Variants in CSMD3 observed in about 807,000 individuals in gnomAD.
The protein encoded by CSMD3 is CUB and sushi domain-containing protein 3.
Under a neutral mutation model 435.2 loss-of-function variants are expected in CSMD3, and 177 were observed. The ratio of observed to expected loss-of-function variants is 0.41; its 90% CI spans 0.36 to 0.46. The LOEUF (loss-of-function observed/expected upper bound fraction) is 0.46. Among genes scored for constraint, CSMD3 ranks in the 20% least tolerant of loss-of-function variants. The pLI is 0.34. For missense variants in CSMD3, 4,265 were observed against 4,504.6 expected (o/e 0.95, Z 1.52); for synonymous variants, 1,656 against 1,520.5 (o/e 1.09, Z -2.07).
intron 28 of CSMD3, among the ~76,000 whole-genome samples, chr8:112,514,907 A>G (rs142720356): frequency 3.6e-4 from 55 of 151,946 alleles, no homozygotes; most frequent in African/African-American, 1.1e-3. Flanking sequence ...TTTTTTTTTA[A>G]GGTTATTTTC....
At position 112,986,801 on chromosome 8, in the gene CSMD3, A is replaced by G. The variant is rs540858742; in HGVS notation, c.1031-10653T>C. ...GGCAACAAAAACTGAATATTTACCC[A>G]ACCTCACAATATCGAGTAATACTTT... On this transcript the variant is annotated intron_variant, in intron 6 of 70. Coordinates refer to ENST00000297405, the MANE Select transcript of CSMD3 (RefSeq NM_198123.2). Among the ~76,000 whole-genome samples, 29 of 152,220 alleles carry G rather than the reference A, an allele frequency of 1.9e-4. No individual in the cohort carries two copies. The South Asian group carries it at 5.8e-3, about 30-fold the overall frequency.
intron 2 of CSMD3, among the ~76,000 whole-genome samples, chr8:113,286,445 A>T (rs2132503386): frequency 6.6e-6 from 1 of 152,254 alleles, no homozygotes; most frequent in African/African-American, 2.4e-5. Flanking sequence ...AATGTCAATG[A>T]ATATGTTTTT....
intron 27 of CSMD3, among the ~76,000 whole-genome samples, chr8:112,527,918 G>A (rs1348491522): frequency 1.3e-5 from 2 of 152,082 alleles, no homozygotes; most frequent in Admixed American, 6.5e-5. Context: ...GTTCTGCTAA[G>A]GGAGCTGGCA....
intron 59 of CSMD3, among the ~76,000 whole-genome samples, chr8:112,268,894 G>A (rs1009628430): frequency 1.3e-5 from 2 of 152,092 alleles, no homozygotes; most frequent in Non-Finnish European, 2.9e-5. Flanking sequence ...AAAAGGCAGG[G>A]TTTCTCTACC....
At chr8:113,295,719 AT>A (rs34544856) in intron 2 of CSMD3, among the ~76,000 whole-genome samples, 2 of 152,146 alleles carry the variant, frequency 1.3e-5, no homozygotes, top group African/African-American at 4.8e-5. Flanking sequence ...GTGTGATTGC[AT>A]TTTGGTCTCA....
chr8:112,319,411 A>C (rs1822780267), intron 46 of CSMD3, among the ~76,000 whole-genome samples: 3 of 152,094 alleles, frequency 2.0e-5, no homozygotes, highest in Admixed American at 1.3e-4. Context: ...ATTTTTTTTC[A>C]AACTGTGTGG....
rs183361446 is a variant in CSMD3 at position 112,990,178 on chromosome 8, T to C, written c.1031-14030A>G. ...CTTTATTAGCAGCATGAGAACAGACTAATACAGCCACGTAAGGAAGTATGT... is the reference window on the plus strand; with the variant it reads ...CTTTATTAGCAGCATGAGAACAGACCAATACAGCCACGTAAGGAAGTATGT... On this transcript the variant is annotated intron_variant, in intron 6 of 70. Transcript: ENST00000297405. 7.3e-4 allele frequency among the ~76,000 whole-genome samples: 111 copies of C among 152,058 alleles called. 1 individual carries two copies. The highest frequency in any genetic ancestry group is 2.5e-3 in the African/African-American group (105 of 41,520).
chr8:112,574,563 G>A (rs1829791954), intron 23 of CSMD3, among the ~76,000 whole-genome samples: 1 of 151,914 alleles, frequency 6.6e-6, no homozygotes, highest in African/African-American at 2.4e-5. Flanking sequence ...TAAAAAGTGT[G>A]TAGTAATTAA....
chr8:112,926,196 T>G (rs1258424337), intron 9 of CSMD3, among the ~76,000 whole-genome samples: 1 of 152,116 alleles, frequency 6.6e-6, no homozygotes, highest in Non-Finnish European at 1.5e-5. Flanking sequence ...ATTAACTGTT[T>G]TAATATTTGA....
chr8:113,170,111 C>T (rs1270178875), intron 4 of CSMD3, among the ~76,000 whole-genome samples: 1 of 152,076 alleles, frequency 6.6e-6, no homozygotes, highest in Non-Finnish European at 1.5e-5. Flanking sequence ...TACGTAAACT[C>T]CAGGGAAAGC....
intron 3 of CSMD3, among the ~76,000 whole-genome samples, chr8:113,253,055 A>T (rs2093348308): frequency 6.6e-6 from 1 of 152,130 alleles, no homozygotes; most frequent in African/African-American, 2.4e-5. Flanking sequence ...GATCAATAAT[A>T]TAAATTTAAA....
intron 38 of CSMD3, among the ~76,000 whole-genome samples, chr8:112,355,852 A>T (rs1305890653): frequency 6.6e-6 from 1 of 152,068 alleles, no homozygotes; most frequent in Non-Finnish European, 1.5e-5. Flanking sequence ...ATAGATAAAA[A>T]ATAAAAAAAT....
chr8:112,515,019 GCTTAA>G (rs1419607966), intron 28 of CSMD3, among the ~76,000 whole-genome samples: 5 of 151,568 alleles, frequency 3.3e-5, no homozygotes, highest in South Asian at 2.1e-4. Flanking sequence ...CACACAACCT[GCTTAA>G]CTTAAGTAAG....
intron 23 of CSMD3, among the ~76,000 whole-genome samples, chr8:112,574,284 T>G (rs1271437493): frequency 6.6e-6 from 1 of 152,050 alleles, no homozygotes; most frequent in Non-Finnish European, 1.5e-5. Flanking sequence ...GTTTTTCTTT[T>G]ATCATTATAG....
chr8:113,153,101 A>AAAGAAAAG lies in CSMD3; in HGVS notation c.709+20620_709+20621insCTTTTCTT, dbSNP rs35085690. Among the ~76,000 whole-genome samples, 594 of 100,024 alleles carry AAAGAAAAG rather than the reference A, an allele frequency of 5.9e-3. 18 individuals are homozygous for AAAGAAAAG. The highest frequency in any genetic ancestry group is 0.026 in the African/African-American group (550 of 21,248). 65.6% of individuals were successfully genotyped at this position (100,024 alleles called of 152,430 possible). ...AAAAGAAAGAAAGAAAGAAAGAAAGAAAAGAAAGAAAGAAAGAAAGAAAGA... is the reference window on the plus strand; with the variant it reads ...AAAAGAAAGAAAGAAAGAAAGAAAGAAAGAAAAGAAAGAAAGAAAGAAAGAAAGAAAGA... On this transcript the variant is annotated intron_variant, in intron 4 of 70. Transcript: ENST00000297405.
intron 8 of CSMD3, among the ~76,000 whole-genome samples, chr8:112,949,083 T>C (rs2083716598): frequency 6.6e-6 from 1 of 151,942 alleles, no homozygotes; most frequent in Admixed American, 6.6e-5. Context: ...TTAAAAATAA[T>C]AATGACTCTC....
At chr8:112,921,367 T>G (rs767687780) in intron 10 of CSMD3, among the ~76,000 whole-genome samples, 4 of 151,958 alleles carry the variant, frequency 2.6e-5, no homozygotes, top group Non-Finnish European at 5.9e-5. Flanking sequence ...TTTCAAAAAA[T>G]GCCGACAATG....
chr8:113,059,326 G>A (rs755518221), intron 5 of CSMD3, among the ~76,000 whole-genome samples: 11 of 152,102 alleles, frequency 7.2e-5, no homozygotes, highest in Non-Finnish European at 1.3e-4. Flanking sequence ...AGTAAGAAAA[G>A]ATTTGTCTCT....
intron 3 of CSMD3, among the ~76,000 whole-genome samples, chr8:113,215,717 C>G (rs2092896526): frequency 6.6e-6 from 1 of 151,802 alleles, no homozygotes; most frequent in South Asian, 2.1e-4. Flanking sequence ...CTTGATAAAT[C>G]TTATATGCAC....
Sources: allele counts gnomAD v4.1 joint callset (sites outside exome capture counted in the v4.1 genomes callset), GRCh38; gene constraint gnomAD v4.1.1; transcripts MANE v1.5; gene names NCBI Gene and HGNC (gene_info 2026-07-23, HGNC 2026-07-21).